USP32: variants seen among roughly 807,000 people sequenced by gnomAD.
USP32 encodes the protein ubiquitin carboxyl-terminal hydrolase 32.
Under a neutral mutation model 204.8 loss-of-function variants are expected in USP32, and 59 were observed. The observed-to-expected ratio is 0.29, with a 90% CI of 0.23 to 0.36. The LOEUF (loss-of-function observed/expected upper bound fraction) is 0.36. USP32 is among the 10% of genes least tolerant of loss of function. USP32 has a pLI of 1.00. For synonymous variants in USP32, 517 were observed against 678.4 expected (o/e 0.76, Z 3.70); for missense variants, 1,160 against 1,946.4 (o/e 0.60, Z 7.60).
intron 3 of USP32, among the ~76,000 whole-genome samples, chr17:60,297,746 A>G (rs2087471413): frequency 6.6e-6 from 1 of 152,070 alleles, no homozygotes; most frequent in South Asian, 2.1e-4. Flanking sequence ...CCACCTCAAA[A>G]TATCATGGCA....
chr17:60,265,371 A>G (rs1161580227), intron 9 of USP32, 41 bp downstream of exon 9: 1 of 1,377,556 alleles, frequency 7.3e-7, no homozygotes, highest in Non-Finnish European at 1.0e-6. Context: ...GGAGTACATG[A>G]TATTTTTAGA....
intron 11 of USP32, chr17:60,245,641 C>A (rs1598133173): frequency 7.5e-6 from 2 of 266,046 alleles, no homozygotes. Context: ...GGTCTGAGGG[C>A]AGCTATGATG....
chr17:60,267,537 C>CT (rs928771397), intron 7 of USP32, among the ~76,000 whole-genome samples: 7 of 146,216 alleles, frequency 4.8e-5, no homozygotes, highest in African/African-American at 7.6e-5. Context: ...TTTTTTTTTT[C>CT]TTTTTTTTGA....
At chr17:60,379,644 G>A (rs1324153481) in intron 1 of USP32, among the ~76,000 whole-genome samples, 1 of 152,174 alleles carries the variant, frequency 6.6e-6, no homozygotes, top group Non-Finnish European at 1.5e-5. Flanking sequence ...TCTGTGTAGT[G>A]CAGTCCTCTG....
chr17:60,285,217 TTAAGG>T (rs1344765470), intron 5 of USP32, among the ~76,000 whole-genome samples: 4 of 152,160 alleles, frequency 2.6e-5, no homozygotes, highest in East Asian at 1.9e-4. Context: ...AATATAAATA[TTAAGG>T]TAAGTTAGAG....
At chr17:60,360,518 G>C (rs1246984268) in intron 1 of USP32, among the ~76,000 whole-genome samples, 1 of 151,690 alleles carries the variant, frequency 6.6e-6, no homozygotes. Context: ...AGTTAGCCAG[G>C]CGTGGTGGCA....
intron 30 of USP32, among the ~76,000 whole-genome samples, chr17:60,184,091 C>T (rs997084955): frequency 6.6e-6 from 1 of 151,568 alleles, no homozygotes; most frequent in Non-Finnish European, 1.5e-5. Context: ...TCGAGACCAT[C>T]CTGGCTAACA....
chr17:60,254,728 T>G (rs1384471707), intron 10 of USP32, among the ~76,000 whole-genome samples: 1 of 152,062 alleles, frequency 6.6e-6, no homozygotes, highest in Admixed American at 6.6e-5. Flanking sequence ...ATAATAATAA[T>G]AAAAGAAAAG....
intron 2 of USP32, among the ~76,000 whole-genome samples, chr17:60,323,549 T>A (rs1213314976): frequency 2.0e-5 from 3 of 152,222 alleles, no homozygotes; most frequent in Non-Finnish European, 4.4e-5. Context: ...TACACAACTC[T>A]ATGAACATAG....
chr17:60,244,029 GT>G (rs34842511), intron 11 of USP32, among the ~76,000 whole-genome samples: 4,192 of 71,752 alleles, frequency 0.058, 101 homozygotes, highest in African/African-American at 0.19. Flanking sequence ...GCTGGATTGT[GT>G]TTTTTTTTTT....
chr17:60,208,477 C>T (rs1235305028), intron 23 of USP32, among the ~76,000 whole-genome samples, 177 bp downstream of exon 23: 1 of 152,084 alleles, frequency 6.6e-6, no homozygotes, highest in African/African-American at 2.4e-5. Context: ...ACCAAAAAAA[C>T]ATGCCCCAGT....
chr17:60,321,009 G>A (rs1040642601), intron 2 of USP32, among the ~76,000 whole-genome samples: 3 of 151,988 alleles, frequency 2.0e-5, no homozygotes, highest in South Asian at 2.1e-4. Context: ...GGATACAGAC[G>A]CAGTAGCACA....
intron 4 of USP32, among the ~76,000 whole-genome samples, chr17:60,290,182 A>C (rs2087235814): frequency 6.6e-6 from 1 of 152,148 alleles, no homozygotes. Context: ...AATTTTGCCC[A>C]CCACCATCGC....
chr17:60,317,940 G>T (rs1358950941), intron 2 of USP32, among the ~76,000 whole-genome samples: 1 of 151,892 alleles, frequency 6.6e-6, no homozygotes, highest in Non-Finnish European at 1.5e-5. Context: ...AGCTGAGATG[G>T]TGCCACTGCA....
upstream of USP32, among the ~76,000 whole-genome samples, chr17:60,396,480 C>T (rs574752745): frequency 2.0e-5 from 3 of 152,236 alleles, no homozygotes; most frequent in South Asian, 2.1e-4. Context: ...ACTAAAAATA[C>T]GTCATTCTCT....
rs977974547 is a variant in USP32, at chr17:60,206,472, A to G, written c.3037+549T>C. ...CCACCACTGCAGAATTCTATTGGAC[A>G]GTGATGCTCTAAACTAAAACTAAAA... is the stretch of plus-strand genomic sequence containing the variant. On this transcript the variant is annotated intron_variant, in intron 25 of 33. Coordinates refer to ENST00000300896, the MANE Select transcript of USP32 (RefSeq NM_032582.4). Among the ~76,000 whole-genome samples, 182 of 149,100 alleles carry G rather than the reference A, an allele frequency of 1.2e-3. 1 individual carries two copies. Among genetic ancestry groups the G allele is most frequent in the Non-Finnish European group, 1.8e-3 (122 of 67,870 alleles).
In USP32 at chr17:60,381,712, A is replaced by T. The variant is rs1287847484; in HGVS notation, c.58+10170T>A. Among the ~76,000 whole-genome samples the T allele has an allele frequency of 3.9e-5, 6 of 152,158 alleles. No homozygotes were observed. In the East Asian group the frequency reaches 5.8e-4, roughly 15 times the overall value. ...CTTTCTAGATCTTGAAATGTTCTGC[A>T]TTTCCACAGGTTCCCCCTCTTATCT... On this transcript the variant is annotated intron_variant, in intron 1 of 33. Transcript: ENST00000300896.
chr17:60,197,874 T>C, intron 27 of USP32, among the ~76,000 whole-genome samples: 1 of 152,236 alleles, frequency 6.6e-6, no homozygotes, highest in Non-Finnish European at 1.5e-5. Context: ...TTTTGTATCA[T>C]GAGACTTTTC....
At chr17:60,409,739 G>T (rs2090004680) in intron 1 of USP32, among the ~76,000 whole-genome samples, 1 of 152,168 alleles carries the variant, frequency 6.6e-6, no homozygotes, top group Non-Finnish European at 1.5e-5. Flanking sequence ...TGAAAGAGGG[G>T]TGTCCAATCT....
Sources: gnomAD v4.1 joint callset for allele counts (sites outside exome capture counted in the v4.1 genomes callset) on GRCh38, gnomAD v4.1.1 for gene constraint, MANE v1.5 for transcripts, NCBI Gene and HGNC (gene_info 2026-07-23, HGNC 2026-07-21) for gene names.